USP49: variants seen among roughly 807,000 people sequenced by gnomAD.
USP49 encodes the protein ubiquitin carboxyl-terminal hydrolase 49.
Under a neutral mutation model 58.6 loss-of-function variants are expected in USP49, and 24 were observed. The ratio of observed to expected loss-of-function variants is 0.41; its 90% CI spans 0.30 to 0.58. The LOEUF (loss-of-function observed/expected upper bound fraction) is 0.58, where lower values mean the gene tolerates loss of function less well. Among genes scored for constraint, USP49 ranks in the 20% least tolerant of loss-of-function variants. The pLI is 0.30. For synonymous variants in USP49, 408 were observed against 365.1 expected (o/e 1.12, Z -1.34); for missense variants, 703 against 866.1 (o/e 0.81, Z 2.36).
intron 3 of USP49, among the ~76,000 whole-genome samples, chr6:41,846,300 G>C: frequency 6.6e-6 from 1 of 152,114 alleles, no homozygotes; most frequent in South Asian, 2.1e-4. Flanking sequence ...CTGGGTGACA[G>C]AGTGAGACTC....
chr6:41,849,628 A>G (rs1029595131), intron 3 of USP49, among the ~76,000 whole-genome samples: 3 of 146,968 alleles, frequency 2.0e-5, no homozygotes, highest in African/African-American at 7.6e-5. Context: ...TTTTTTTTGG[A>G]GACTGAGTGT....
intron 1 of USP49, among the ~76,000 whole-genome samples, chr6:41,894,893 C>A (rs1332306961): frequency 6.6e-6 from 1 of 152,002 alleles, no homozygotes; most frequent in East Asian, 1.9e-4. Flanking sequence ...TCATCTCATT[C>A]TCAACCCGGT....
In USP49 at chr6:41,806,952, C is replaced by T. The variant is rs1009570104; in HGVS notation, c.32G>A (p.Arg11Gln). The stretch of plus-strand genomic sequence containing the variant: ...CAGGATGGAGTGGTCCTGGGCGAGC[C>T]GTAACCGCCCTACATGTTTGCATCT... MDRCKHVGRL[R>Q]LAQDHSILNP... Residue 11 changes from arginine to glutamine, a missense_variant, in exon 4 of 8, where the codon CGG becomes CAG. Arg to Gln is a conservative substitution (Grantham distance 43). This residue lies in a region of USP49 where 376 missense variants were observed against 373.5 expected (regional missense o/e 1.01). Transcript: ENST00000682992. The surrounding 1 kb of genome is among the most constrained non-coding windows in gnomAD (Gnocchi z 5.9). The T allele has an allele frequency of 4.4e-6, 7 of 1,606,290 alleles. No individual in the cohort carries two copies. The highest frequency in any genetic ancestry group is 6.0e-6 in the Non-Finnish European group (7 of 1,174,724).
chr6:41,812,370 C>A (rs890676195), intron 3 of USP49, among the ~76,000 whole-genome samples: 2 of 149,622 alleles, frequency 1.3e-5, no homozygotes, highest in Admixed American at 6.6e-5. Context: ...TGAGCCACTG[C>A]GCCCGGCCAG....
At chr6:41,862,106 T>C (rs552545470) in intron 3 of USP49, among the ~76,000 whole-genome samples, 1 of 152,350 alleles carries the variant, frequency 6.6e-6, no homozygotes. Context: ...GGTGTTTCAT[T>C]ATTATAAACA....
rs190439931 is a variant in USP49 at position 41,868,444 on chromosome 6, C to T, written c.-29+3120G>A. Among the ~76,000 whole-genome samples, 333 of 152,246 alleles carry T rather than the reference C, an allele frequency of 2.2e-3. 2 individuals are homozygous for T. Among genetic ancestry groups the T allele is most frequent in the African/African-American group, 7.7e-3 (320 of 41,540 alleles). On this transcript the variant is annotated intron_variant, in intron 3 of 7. Coordinates refer to ENST00000682992, the MANE Select transcript of USP49 (RefSeq NM_001286554.2). ...CCGGGTTCAAGTGATTCTCCTGCTT[C>T]AGCCTCCTGAGTAGCTGGGATTACA...
chr6:41,886,892 C>T (rs1774721831), intron 2 of USP49, among the ~76,000 whole-genome samples: 1 of 152,210 alleles, frequency 6.6e-6, no homozygotes, highest in Non-Finnish European at 1.5e-5. Context: ...GAGTGAGACT[C>T]TATCTCAAAA....
chr6:41,812,754 A>G (rs1379745253), intron 3 of USP49, among the ~76,000 whole-genome samples: 1 of 152,200 alleles, frequency 6.6e-6, no homozygotes, highest in African/African-American at 2.4e-5. Context: ...CTCTTCATAG[A>G]AATCAAAGAA....
intron 3 of USP49, among the ~76,000 whole-genome samples, chr6:41,856,052 A>G (rs1325994445): frequency 4.6e-5 from 7 of 151,096 alleles, no homozygotes; most frequent in Non-Finnish European, 8.8e-5. Flanking sequence ...CATCTCAAAA[A>G]AAAAAAAGTA....
chr6:41,833,803 T>C (rs577997354), intron 3 of USP49, among the ~76,000 whole-genome samples: 37 of 152,342 alleles, frequency 2.4e-4, no homozygotes, highest in African/African-American at 8.4e-4. Context: ...TTTGGGGTGA[T>C]AGTACATTTG....
At chr6:41,823,054 C>G (rs1174378813) in intron 3 of USP49, among the ~76,000 whole-genome samples, 1 of 152,068 alleles carries the variant, frequency 6.6e-6, no homozygotes, top group South Asian at 2.1e-4. Flanking sequence ...AAAAAAGGGG[C>G]AGGGCTATAT....
rs758125752 is a variant in USP49 at position 41,806,466 on chromosome 6, C to T, written c.518G>A (p.Arg173Gln). 3 of 1,595,390 alleles carry T rather than the reference C, an allele frequency of 1.9e-6. No individual in the cohort carries two copies. The highest frequency in any genetic ancestry group is 1.8e-4 in the Middle Eastern group (1 of 5,584). Reference sequence around the variant, plus strand: ...CTTGCGCTCCAGGGCCTCCTCCTGCCGCCGCTGCTCCAGCTTCGCCTGGCC... The same window carrying T: ...CTTGCGCTCCAGGGCCTCCTCCTGCTGCCGCTGCTCCAGCTTCGCCTGGCC... ...SRGQAKLEQR[R>Q]QEEALERKKE... is the part of the protein sequence containing the mutation. Residue 173 changes from arginine to glutamine, a missense_variant, in exon 4 of 8, where the codon CGG (arginine) becomes CAG (glutamine). Around this residue, in one of 6 missense-constraint regions of USP49, gnomAD observed 376 missense variants for 373.5 expected, o/e 1.01. Coordinates refer to ENST00000682992, the MANE Select transcript of USP49 (RefSeq NM_001286554.2). The surrounding 1 kb of genome is among the most constrained non-coding windows in gnomAD (Gnocchi z 5.9).
chr6:41,880,863 G>T (rs1184257965), intron 2 of USP49, among the ~76,000 whole-genome samples: 1 of 152,136 alleles, frequency 6.6e-6, no homozygotes, highest in Admixed American at 6.6e-5. Context: ...ACGAGGGGAA[G>T]TAGATCCCAG....
intron 3 of USP49, among the ~76,000 whole-genome samples, chr6:41,834,367 T>G (rs1235456860): frequency 6.6e-6 from 1 of 152,178 alleles, no homozygotes; most frequent in African/African-American, 2.4e-5. Flanking sequence ...TATCAGGTAT[T>G]TTTCATATCT....
chr6:41,877,304 G>T (rs916670955), intron 2 of USP49, among the ~76,000 whole-genome samples: 1 of 152,064 alleles, frequency 6.6e-6, no homozygotes, highest in African/African-American at 2.4e-5. Flanking sequence ...TAATCTAGGT[G>T]GTAAAAATGC....
Position 41,792,769 on chromosome 6 carries a change from A to G in USP49, c.*3764T>C, listed in dbSNP as rs1009256406. On this transcript the variant is annotated 3_prime_UTR_variant, in exon 8 of 8. Coordinates refer to ENST00000682992, the MANE Select transcript of USP49 (RefSeq NM_001286554.2). ...ATACCAGATGTCCTTTAAACACTACACAGACCCATTTGCCACTTGAAATGA... is the reference window on the plus strand; with the variant it reads ...ATACCAGATGTCCTTTAAACACTACGCAGACCCATTTGCCACTTGAAATGA... The G allele has an allele frequency of 1.3e-4, 20 of 152,274 alleles. No individual in the cohort carries two copies. The highest frequency in any genetic ancestry group is 4.8e-4 in the African/African-American group (20 of 41,476). 9.4% of individuals were successfully genotyped at this position (152,274 alleles called of 1,614,324 possible).
intron 3 of USP49, among the ~76,000 whole-genome samples, chr6:41,811,626 G>C (rs1263062435): frequency 6.6e-6 from 1 of 152,162 alleles, no homozygotes; most frequent in African/African-American, 2.4e-5. Flanking sequence ...GCCAAGACTT[G>C]TGGGTGCTCA....
intron 5 of USP49, among the ~76,000 whole-genome samples, chr6:41,802,557 G>C (rs1773039700): frequency 6.8e-6 from 1 of 147,830 alleles, no homozygotes; most frequent in Non-Finnish European, 1.5e-5. Flanking sequence ...GTCTCCCAAA[G>C]TCCTGGGATT....
intron 3 of USP49, among the ~76,000 whole-genome samples, chr6:41,853,826 G>A (rs535252038): frequency 1.4e-5 from 2 of 143,444 alleles, no homozygotes; most frequent in Admixed American, 6.9e-5. Context: ...GAGAAAGCCC[G>A]TCTCTACTAA....
Sources: allele counts gnomAD v4.1 joint callset (sites outside exome capture counted in the v4.1 genomes callset), GRCh38; gene constraint gnomAD v4.1.1; regional missense constraint gnomAD v4.1.1; non-coding constraint Gnocchi (gnomAD v3.1); transcripts MANE v1.5; gene names NCBI Gene and HGNC (gene_info 2026-07-23, HGNC 2026-07-21).